TOR1AIP2: variants seen among roughly 807,000 people sequenced by gnomAD.
TOR1AIP2 encodes the protein torsin-1A-interacting protein 2.
TOR1AIP2 carries 20 observed loss-of-function variants against 32.6 expected under a neutral mutation model. That is an observed-to-expected ratio of 0.61 (90% CI 0.43 to 0.89). The LOEUF (loss-of-function observed/expected upper bound fraction) is 0.89, where lower values mean the gene tolerates loss of function less well. TOR1AIP2 is among the 40% of genes least tolerant of loss of function. The pLI is 0.00. For synonymous variants in TOR1AIP2, 214 were observed against 210.8 expected (o/e 1.02, Z -0.13); for missense variants, 456 against 553.8 (o/e 0.82, Z 1.77).
chr1:179,864,752 A>G, intron 3 of TOR1AIP2: 2 of 1,549,710 alleles, frequency 1.3e-6, no homozygotes, highest in Non-Finnish European at 1.7e-6. Flanking sequence ...AAAAGCCTCT[A>G]GACTTGACAA....
rs961001583 is a variant in TOR1AIP2 at position 179,860,072 on chromosome 1, T to C, written c.-147+5364A>G. The C allele has an allele frequency of 3.7e-4, 342 of 917,976 alleles. 1 individual carries two copies. The highest frequency in any genetic ancestry group is 4.4e-4 in the Non-Finnish European group (337 of 768,554). The allele number at this position is 917,976 out of a possible 1,614,324, so 56.9% of individuals were successfully genotyped here. A position where few individuals can be genotyped will look rare whatever the true frequency, so the allele number is the denominator to read the frequency against. On this transcript the variant is annotated intron_variant, in intron 3 of 6. Transcript: ENST00000609928. ...TATGTTGCTCAGGCTTGTTTTGAAC[T>C]CCTGGGCTCAAGCCATCCTCCTGCC...
At chr1:179,854,428 C>T (rs909953058) in intron 3 of TOR1AIP2, among the ~76,000 whole-genome samples, 2 of 152,094 alleles carry the variant, frequency 1.3e-5, no homozygotes, top group Admixed American at 1.3e-4. Flanking sequence ...CAATTTGAAA[C>T]AAAATCTCAA....
chr1:179,852,857 G>C, intron 3 of TOR1AIP2, 46 bp from the exon 4 acceptor site: 5 of 1,264,752 alleles, frequency 4.0e-6, no homozygotes, highest in Non-Finnish European at 5.1e-6. Flanking sequence ...ATCCATACAA[G>C]GGAGAAATGC....
rs1384203766 is a variant in TOR1AIP2, at chr1:179,840,235, A to C, written c.*5836T>G. 1 of 152,198 alleles carries C rather than the reference A, an allele frequency of 6.6e-6. No individual in the cohort carries two copies. Among genetic ancestry groups the C allele is most frequent in the Non-Finnish European group, 1.5e-5 (1 of 68,030 alleles). 9.4% of individuals were successfully genotyped at this position (152,198 alleles called of 1,614,324 possible). On this transcript the variant is annotated 3_prime_UTR_variant, in exon 7 of 7. Coordinates refer to ENST00000609928, the MANE Select transcript of TOR1AIP2 (RefSeq NM_001199260.2). ...TTTAAATTTCCTGTGCTCTCTGATG[A>C]ACCAGGAGCAACTGCCTGGAGCTTT...
In TOR1AIP2 at chr1:179,840,152, TGC is replaced by T. The variant is rs1695676157; in HGVS notation, c.*5917_*5918del. 6.6e-6 allele frequency: 1 copy of T among 152,200 alleles called. No individual in the cohort carries two copies. The highest frequency in any genetic ancestry group is 2.4e-5 in the African/African-American group (1 of 41,446). 9.4% of individuals were successfully genotyped at this position (152,200 alleles called of 1,614,324 possible). ...TTTTGTTAAGCACAAATAAGCAAAA[TGC>T]AATTGAGTTTGAAAGTCAGTGTGCT... is the stretch of plus-strand genomic sequence containing the variant. On this transcript the variant is annotated 3_prime_UTR_variant, in exon 7 of 7. Coordinates refer to ENST00000609928, the MANE Select transcript of TOR1AIP2 (RefSeq NM_001199260.2).
intron 3 of TOR1AIP2, chr1:179,862,072 A>T (rs1236336924): frequency 1.0e-6 from 1 of 985,322 alleles, no homozygotes; most frequent in Non-Finnish European, 1.2e-6. Context: ...TCTAAAGCAG[A>T]CCAAGAAATC....
At position 179,877,735 on chromosome 1, in the gene TOR1AIP2, G is replaced by C. The variant is rs983438910; in HGVS notation, c.-743C>G. On this transcript the variant is annotated 5_prime_UTR_variant, in exon 1 of 7. Coordinates refer to ENST00000609928, the MANE Select transcript of TOR1AIP2 (RefSeq NM_001199260.2). The stretch of plus-strand genomic sequence containing the variant: ...TAAATCGTAAAACTGTTAGTATCAG[G>C]AGAGCCCTTCGAGTATTCTCTCCGC... 1 of 152,132 alleles carries C rather than the reference G, an allele frequency of 6.6e-6. No homozygotes were observed. Among genetic ancestry groups the C allele is most frequent in the Non-Finnish European group, 1.5e-5 (1 of 68,044 alleles). 9.4% of individuals were successfully genotyped at this position (152,132 alleles called of 1,614,324 possible). A position where few individuals can be genotyped will look rare whatever the true frequency, so the allele number is the denominator to read the frequency against.
chr1:179,874,894 C>T (rs993530822), intron 2 of TOR1AIP2: 2 of 152,230 alleles, frequency 1.3e-5, no homozygotes, highest in Admixed American at 6.5e-5. Context: ...AAATATAGAA[C>T]CCAATATAGC....
chr1:179,851,215 T>C lies in TOR1AIP2; in HGVS notation c.183A>G (p.Pro61=). ...ATTTATCACCTGTATCTGCACTTTC[T>C]GGACCTTCTGTCTCTACCTCTTGGT... The part of the protein sequence containing the change: ...KDHQEVETEG[P]ESADTGDKSE... The change falls in exon 5 of 7, where the codon CCA becomes CCG. Residue 61 remains proline (P), a synonymous_variant. Transcript: ENST00000609928. 6.2e-7 allele frequency: 1 copy of C among 1,613,934 alleles called. No individual in the cohort carries two copies.
intron 3 of TOR1AIP2, chr1:179,861,839 A>G: frequency 1.0e-6 from 1 of 959,796 alleles, no homozygotes; most frequent in Non-Finnish European, 1.2e-6. Flanking sequence ...CAGAATCTCC[A>G]AAGGTACTAT....
intron 2 of TOR1AIP2, among the ~76,000 whole-genome samples, chr1:179,876,968 C>T (rs1287594977): frequency 6.7e-6 from 1 of 149,826 alleles, no homozygotes; most frequent in East Asian, 1.9e-4. Flanking sequence ...AAAACTTCAA[C>T]TTTGCCCTTT....
intron 2 of TOR1AIP2, among the ~76,000 whole-genome samples, chr1:179,872,429 T>C (rs1381334436): frequency 6.6e-6 from 1 of 152,230 alleles, no homozygotes; most frequent in Admixed American, 6.5e-5. Context: ...AATTTCTAAG[T>C]CTTGCCCACT....
chr1:179,866,278 A>C (rs1306668652), intron 2 of TOR1AIP2, among the ~76,000 whole-genome samples: 1 of 151,946 alleles, frequency 6.6e-6, no homozygotes, highest in African/African-American at 2.4e-5. Flanking sequence ...AAAAAAGCTT[A>C]CACAGTTTTT....
chr1:179,873,184 G>T (rs1404254708), intron 2 of TOR1AIP2, among the ~76,000 whole-genome samples: 3 of 152,016 alleles, frequency 2.0e-5, no homozygotes, highest in African/African-American at 7.2e-5. Flanking sequence ...GTTATTTTGG[G>T]TTCGGTGTTT....
chr1:179,857,564 T>A (rs898151804), intron 3 of TOR1AIP2, among the ~76,000 whole-genome samples: 1 of 152,226 alleles, frequency 6.6e-6, no homozygotes, highest in Admixed American at 6.5e-5. Flanking sequence ...ATGTATCCTT[T>A]CTACTTCATC....
At chr1:179,867,421 G>C (rs1696827572) in intron 2 of TOR1AIP2, 1 of 152,206 alleles carries the variant, frequency 6.6e-6, no homozygotes, top group African/African-American at 2.4e-5. Flanking sequence ...GCTGACAAGA[G>C]CTACCAGTGA....
rs1409214599 is a variant in TOR1AIP2 at position 179,846,376 on chromosome 1, A to G, written c.1108T>C (p.Phe370Leu). The change falls in exon 7 of 7, where the codon TTC becomes CTC. Residue 370 changes from phenylalanine to leucine, a missense_variant. Coordinates refer to ENST00000609928, the MANE Select transcript of TOR1AIP2 (RefSeq NM_001199260.2). ...KAAVVHHFES[F>L]PAGSTLIFYK... Reference sequence around the variant, plus strand: ...AAGATCAAAGTGGAGCCGGCAGGGAAGGATTCGAAGTGGTGTACCACAGCA... The same window carrying G: ...AAGATCAAAGTGGAGCCGGCAGGGAGGGATTCGAAGTGGTGTACCACAGCA... 6.2e-7 allele frequency: 1 copy of G among 1,614,202 alleles called. No individual in the cohort carries two copies. The highest frequency in any genetic ancestry group is 8.5e-7 in the Non-Finnish European group (1 of 1,180,032).
intron 3 of TOR1AIP2, chr1:179,860,650 A>G: frequency 1.0e-6 from 1 of 984,864 alleles, no homozygotes; most frequent in Non-Finnish European, 1.2e-6. Flanking sequence ...AGGTATTATT[A>G]CACAACCTTT....
At chr1:179,861,566 CAA>C in intron 3 of TOR1AIP2, 1 of 985,332 alleles carries the variant, frequency 1.0e-6, no homozygotes, top group Non-Finnish European at 1.2e-6. Flanking sequence ...TGACACTGAA[CAA>C]AACTGTTTGT....
Sources: gnomAD v4.1 joint callset for allele counts (sites outside exome capture counted in the v4.1 genomes callset) on GRCh38, gnomAD v4.1.1 for gene constraint, MANE v1.5 for transcripts, NCBI Gene and HGNC (gene_info 2026-07-23, HGNC 2026-07-21) for gene names.